Variants in MAST2 observed in about 807,000 individuals in gnomAD.
MAST2 encodes the protein microtubule associated serine/threonine kinase 2, also known as microtubule-associated serine/threonine-protein kinase 2.
MAST2 carries 70 observed loss-of-function variants against 147.4 expected under a neutral mutation model. That is an observed-to-expected ratio of 0.47 (90% CI 0.39 to 0.58). MAST2 has a LOEUF of 0.58. Ranked by LOEUF, MAST2 falls within the 20% of genes least tolerant of loss-of-function variation. The probability of loss-of-function intolerance (pLI) is 0.00; values close to 1 mark genes in which losing one functional copy is unlikely to be tolerated. For synonymous variants in MAST2, 869 were observed against 896.8 expected, an observed-to-expected ratio of 0.97 and a Z score of 0.55; for missense variants, 2,080 against 2,302.3, an observed-to-expected ratio of 0.90 and a Z score of 1.98.
At chr1:45,808,257 G>A (rs566886653) in intron 1 of MAST2, among the ~76,000 whole-genome samples, 60 of 152,228 alleles carry the variant, frequency 3.9e-4, no homozygotes, top group African/African-American at 1.4e-3. Context: ...TTGAGATGGA[G>A]TCTTGCTCTG....
intron 4 of MAST2, among the ~76,000 whole-genome samples, chr1:45,898,028 G>A (rs921212411): frequency 6.6e-6 from 1 of 152,116 alleles, no homozygotes; most frequent in Non-Finnish European, 1.5e-5. Context: ...AGAATCGCTT[G>A]AACCTGGGAG....
intron 4 of MAST2, among the ~76,000 whole-genome samples, chr1:45,900,195 A>AAAAAAAAAAAAAATT (rs1553226994): frequency 4.1e-4 from 38 of 93,220 alleles, no homozygotes; most frequent in South Asian, 1.5e-3. Flanking sequence ...AAAAAAAAAA[A>AAAAAAAAAAAAAATT]GATTTACCCT....
At chr1:45,864,212 G>C (rs6688365) in intron 3 of MAST2, among the ~76,000 whole-genome samples, 67,668 of 151,990 alleles carry the variant, frequency 0.45, 15,273 homozygotes, top group East Asian at 0.62. Context: ...GATAAAATGA[G>C]ACTTTTTCAT....
chr1:45,884,672 A>G (rs550122037), intron 4 of MAST2, among the ~76,000 whole-genome samples: 9 of 152,356 alleles, frequency 5.9e-5, no homozygotes, highest in African/African-American at 9.6e-5. Context: ...ACACTTAAGT[A>G]AGCCAGAAGT....
chr1:45,887,822 G>A (rs1449510033), intron 4 of MAST2, among the ~76,000 whole-genome samples: 1 of 152,218 alleles, frequency 6.6e-6, no homozygotes, highest in Non-Finnish European at 1.5e-5. Context: ...AGCCCAGAGT[G>A]ATAGCTTTGT....
chr1:45,810,371 G>A (rs562138729), intron 1 of MAST2, among the ~76,000 whole-genome samples: 2 of 152,304 alleles, frequency 1.3e-5, no homozygotes, highest in South Asian at 4.1e-4. Flanking sequence ...GCATAGGGCA[G>A]AAAGCACACA....
rs1646687698 is a variant in MAST2, at chr1:46,031,950, T to G, written c.3188-228T>G. On this transcript the variant is annotated intron_variant, in intron 24 of 28. Transcript: ENST00000361297. The surrounding 1 kb of genome is among the most constrained non-coding windows in gnomAD (Gnocchi z 4.1). ...TGACATTTAAATATATATGACAAGC[T>G]TATATAGTCCCTGATACACACATAA... Among the ~76,000 whole-genome samples the G allele has an allele frequency of 6.6e-6, 1 of 152,130 alleles. No homozygotes were observed. The highest frequency in any genetic ancestry group is 2.1e-4 in the South Asian group (1 of 4,826).
At chr1:45,897,472 A>G (rs1306012523) in intron 4 of MAST2, among the ~76,000 whole-genome samples, 2 of 152,218 alleles carry the variant, frequency 1.3e-5, no homozygotes, top group African/African-American at 4.8e-5. Flanking sequence ...TGCATCAGGT[A>G]GGAGAGAAAA....
At chr1:46,000,492 T>G (rs778932089) in intron 6 of MAST2, among the ~76,000 whole-genome samples, 2 of 152,192 alleles carry the variant, frequency 1.3e-5, no homozygotes, top group Non-Finnish European at 2.9e-5. Flanking sequence ...ACCATGGGTC[T>G]GTTTCATTGC....
chr1:45,872,287 C>A (rs1646425813), intron 3 of MAST2, among the ~76,000 whole-genome samples: 1 of 152,188 alleles, frequency 6.6e-6, no homozygotes, highest in South Asian at 2.1e-4. Context: ...ACGCTGGTGA[C>A]TGTTGACATA....
chr1:45,962,701 T>C (rs925205171), intron 5 of MAST2, among the ~76,000 whole-genome samples: 30 of 152,194 alleles, frequency 2.0e-4, no homozygotes, highest in Admixed American at 1.3e-3. Flanking sequence ...ATTGCAAAAA[T>C]TTTCTCCCAT....
intron 7 of MAST2, 67 bp downstream of exon 7, chr1:46,002,950 G>A: frequency 1.4e-6 from 2 of 1,476,322 alleles, no homozygotes; most frequent in South Asian, 1.1e-5. Flanking sequence ...GGGTTATCTA[G>A]TGTCACAAAA....
At chr1:45,942,198 G>A (rs1311016809) in intron 4 of MAST2, among the ~76,000 whole-genome samples, 2 of 150,454 alleles carry the variant, frequency 1.3e-5, no homozygotes, top group Non-Finnish European at 3.0e-5. Context: ...ATTAAAACAT[G>A]TATGTTTATA....
chr1:45,948,805 A>G (rs1020282355), intron 4 of MAST2, among the ~76,000 whole-genome samples: 2 of 151,926 alleles, frequency 1.3e-5, no homozygotes, highest in Non-Finnish European at 2.9e-5. Flanking sequence ...CTGACTTCAA[A>G]CTATACTACA....
Position 45,834,874 on chromosome 1 carries a change from A to G in MAST2, c.468+5293A>G, listed in dbSNP as rs374973448. 1.6e-4 allele frequency among the ~76,000 whole-genome samples: 25 copies of G among 151,792 alleles called. 1 individual carries two copies. The East Asian group carries it at 2.7e-3, about 16-fold the overall frequency. ...ATCCACTTGGCTGTATCACCATTCT[A>G]AGACTCACCCTACCTGTCTACTGTC... is the stretch of plus-strand genomic sequence containing the variant. On this transcript the variant is annotated intron_variant, in intron 3 of 28. Coordinates refer to ENST00000361297, the MANE Select transcript of MAST2 (RefSeq NM_015112.3).
chr1:45,918,827 G>C (rs912086781), intron 4 of MAST2, among the ~76,000 whole-genome samples: 1 of 152,098 alleles, frequency 6.6e-6, no homozygotes. Flanking sequence ...AAAAGATCAC[G>C]CTGGGCTGGG....
chr1:46,032,899 G>A (rs1646736126), intron 26 of MAST2, among the ~76,000 whole-genome samples, 181 bp downstream of exon 26: 1 of 151,884 alleles, frequency 6.6e-6, no homozygotes, highest in Non-Finnish European at 1.5e-5. Context: ...AGGAGGCTGA[G>A]GCAGGTGGAT....
intron 2 of MAST2, among the ~76,000 whole-genome samples, chr1:45,825,578 G>A (rs1389902212): frequency 1.3e-5 from 2 of 151,404 alleles, no homozygotes; most frequent in Non-Finnish European, 2.9e-5. Context: ...GATCACAGGT[G>A]CGCACCACCA....
chr1:45,804,137 C>G, intron 1 of MAST2, 65 bp downstream of exon 1: 6 of 1,165,386 alleles, frequency 5.1e-6, no homozygotes, highest in African/African-American at 1.8e-5. Flanking sequence ...GGATCTTCGG[C>G]GGGAGGACCC....
Sources: allele counts gnomAD v4.1 joint callset (sites outside exome capture counted in the v4.1 genomes callset), GRCh38; gene constraint gnomAD v4.1.1; non-coding constraint Gnocchi (gnomAD v3.1); transcripts MANE v1.5; gene names NCBI Gene and HGNC (gene_info 2026-07-23, HGNC 2026-07-21).